Variants in UTRN observed in about 807,000 individuals in gnomAD.
The protein encoded by UTRN is dystrophin-related protein 1.
Under a neutral mutation model 463.9 loss-of-function variants are expected in UTRN, and 283 were observed. The observed-to-expected ratio is 0.61, with a 90% CI of 0.55 to 0.67. The LOEUF is 0.67. Among genes scored for constraint, UTRN ranks in the 30% least tolerant of loss-of-function variants. The pLI is 0.00. For missense variants in UTRN, 3,922 were observed against 4,084.3 expected (o/e 0.96, Z 1.08); for synonymous variants, 1,442 against 1,431.5 (o/e 1.01, Z -0.17).
intron 64 of UTRN, among the ~76,000 whole-genome samples, chr6:144,800,732 G>A (rs1777627937): frequency 6.6e-6 from 1 of 152,076 alleles, no homozygotes; most frequent in Admixed American, 6.5e-5. Flanking sequence ...GGCTCTTTTT[G>A]TTACTACCAA....
chr6:144,717,638 T>C (rs1175414618), intron 53 of UTRN, among the ~76,000 whole-genome samples: 20 of 140,636 alleles, frequency 1.4e-4, no homozygotes, highest in South Asian at 4.6e-4. Flanking sequence ...TTTTTTCTTT[T>C]TTTTTTTTTT....
At chr6:144,383,351 G>A (rs1781106666) in intron 2 of UTRN, among the ~76,000 whole-genome samples, 1 of 152,176 alleles carries the variant, frequency 6.6e-6, no homozygotes, top group South Asian at 2.1e-4. Context: ...GATTGAGTTA[G>A]GATTGAGTTT....
intron 41 of UTRN, 142 bp from the exon 42 acceptor site, chr6:144,530,910 G>A: frequency 2.1e-6 from 2 of 952,136 alleles, no homozygotes; most frequent in East Asian, 2.7e-5. Flanking sequence ...ACGAAAATTG[G>A]TTTTGTGGAG....
intron 1 of UTRN, among the ~76,000 whole-genome samples, chr6:144,291,203 C>T (rs1041246461): frequency 2.6e-5 from 4 of 152,206 alleles, no homozygotes; most frequent in African/African-American, 9.7e-5. Flanking sequence ...TATCCCTGGT[C>T]CTGCCCAGCT....
chr6:144,822,763 A>G (rs145400488), intron 66 of UTRN, among the ~76,000 whole-genome samples: 2 of 148,778 alleles, frequency 1.3e-5, no homozygotes, highest in African/African-American at 4.8e-5. Flanking sequence ...GGATAAAGAC[A>G]AAATTGTACT....
chr6:144,504,767 G>T (rs1794554641), intron 34 of UTRN, among the ~76,000 whole-genome samples: 1 of 152,174 alleles, frequency 6.6e-6, no homozygotes, highest in Non-Finnish European at 1.5e-5. Flanking sequence ...GATGATGCTG[G>T]CCTCATAAAA....
At chr6:144,414,424 CAG>C (rs1342845193) in intron 3 of UTRN, among the ~76,000 whole-genome samples, 1 of 152,106 alleles carries the variant, frequency 6.6e-6, no homozygotes, top group African/African-American at 2.4e-5. Context: ...CAAAATGAAA[CAG>C]AATATTCTTG....
chr6:144,808,322 G>A (rs750666436), intron 65 of UTRN, among the ~76,000 whole-genome samples: 75 of 151,586 alleles, frequency 4.9e-4, no homozygotes, highest in Admixed American at 3.4e-3. Flanking sequence ...TTGAATTCAG[G>A]GATTATCATT....
At chr6:144,626,461 C>A (rs12209027) in intron 51 of UTRN, among the ~76,000 whole-genome samples, 1 of 152,122 alleles carries the variant, frequency 6.6e-6, no homozygotes, top group African/African-American at 2.4e-5. Flanking sequence ...TTCCTCCCCG[C>A]CTTTCTGCAT....
At chr6:144,497,230 A>T (rs1047803887) in intron 33 of UTRN, among the ~76,000 whole-genome samples, 7 of 152,078 alleles carry the variant, frequency 4.6e-5, no homozygotes, top group African/African-American at 1.7e-4. Context: ...TTGAACTAGG[A>T]TGGAGAGTGG....
chr6:144,452,204 C>T lies in UTRN; in HGVS notation c.2196+711C>T, dbSNP rs116589680. ...TTGATCTTTAGTTAGACAAAATAAA[C>T]GGTGTTTCTTAGAGTCTCTTACTAA... is the stretch of plus-strand genomic sequence containing the variant. On this transcript the variant is annotated intron_variant, in intron 18 of 74. Transcript: ENST00000367545. 2.5e-3 allele frequency among the ~76,000 whole-genome samples: 381 copies of T among 152,246 alleles called. 3 individuals carry two copies. Among genetic ancestry groups the T allele is most frequent in the African/African-American group, 8.3e-3 (344 of 41,548 alleles).
chr6:144,483,150 C>T (rs1477016264), intron 27 of UTRN, among the ~76,000 whole-genome samples: 1 of 152,164 alleles, frequency 6.6e-6, no homozygotes, highest in Non-Finnish European at 1.5e-5. Flanking sequence ...TAAATTCATT[C>T]ATTACTTTGA....
intron 35 of UTRN, among the ~76,000 whole-genome samples, chr6:144,511,619 A>G (rs1562506490): frequency 6.6e-6 from 1 of 152,198 alleles, no homozygotes; most frequent in East Asian, 1.9e-4. Flanking sequence ...TCTATCTCAT[A>G]CAGTTTTGCA....
intron 36 of UTRN, 63 bp from the exon 37 acceptor site, chr6:144,514,587 C>T (rs1439110477): frequency 6.0e-6 from 9 of 1,512,030 alleles, no homozygotes; most frequent in Non-Finnish European, 8.2e-6. Flanking sequence ...TCTGTATAAG[C>T]ATCACACTCA....
chr6:144,427,636 A>G (rs1445375627), intron 7 of UTRN, among the ~76,000 whole-genome samples: 1 of 152,184 alleles, frequency 6.6e-6, no homozygotes, highest in African/African-American at 2.4e-5. Flanking sequence ...TACCATAAGA[A>G]TGATAGTTTT....
chr6:144,681,364 G>C (rs1334280037), intron 52 of UTRN, among the ~76,000 whole-genome samples: 1 of 152,180 alleles, frequency 6.6e-6, no homozygotes, highest in Non-Finnish European at 1.5e-5. Flanking sequence ...TGGTGAAGGA[G>C]AGGGAAGCAG....
intron 12 of UTRN, among the ~76,000 whole-genome samples, chr6:144,439,907 A>G (rs533537684): frequency 6.6e-6 from 1 of 152,346 alleles, no homozygotes; most frequent in African/African-American, 2.4e-5. Context: ...TTGGGTAGCT[A>G]ATCAGAGTAA....
chr6:144,721,110 A>G (rs1012824538), intron 53 of UTRN, among the ~76,000 whole-genome samples: 1 of 152,148 alleles, frequency 6.6e-6, no homozygotes, highest in Non-Finnish European at 1.5e-5. Flanking sequence ...TGTGCTCTCC[A>G]GTTGTTATTT....
intron 44 of UTRN, among the ~76,000 whole-genome samples, chr6:144,538,362 A>T (rs1797711778): frequency 1.3e-5 from 2 of 151,254 alleles, no homozygotes; most frequent in African/African-American, 4.8e-5. Context: ...ATGTGCTCAC[A>T]TTTTTTTTTA....
Sources: gnomAD v4.1 joint callset for allele counts (sites outside exome capture counted in the v4.1 genomes callset) on GRCh38, gnomAD v4.1.1 for gene constraint, MANE v1.5 for transcripts, NCBI Gene and HGNC (gene_info 2026-07-23, HGNC 2026-07-21) for gene names.